The following PUS10 variants were observed in gnomAD, a reference collection of about 807,000 sequenced individuals.
The protein encoded by PUS10 is pseudouridine synthase 10.
Under a neutral mutation model 75.0 loss-of-function variants are expected in PUS10, and 59 were observed. The observed-to-expected ratio is 0.79, with a 90% CI of 0.64 to 0.98. The LOEUF is 0.98. Among genes scored for constraint, PUS10 ranks in the 50% least tolerant of loss-of-function variants. The probability of loss-of-function intolerance (pLI) is 0.00; values close to 1 mark genes in which losing one functional copy is unlikely to be tolerated. For synonymous variants in PUS10, 219 were observed against 211.6 expected (o/e 1.03, Z -0.30); for missense variants, 650 against 614.4 (o/e 1.06, Z -0.61).
At chr2:61,010,098 T>C (rs1011994158) in intron 2 of PUS10, 13 of 152,298 alleles carry the variant, frequency 8.5e-5, no homozygotes, top group African/African-American at 3.1e-4. Context: ...TTGCCTTACA[T>C]AAAATGAAAC....
intron 4 of PUS10, among the ~76,000 whole-genome samples, chr2:60,984,868 C>T (rs767655954): frequency 1.3e-5 from 2 of 151,902 alleles, no homozygotes; most frequent in East Asian, 1.9e-4. Context: ...TGCAGGTATA[C>T]GTTAATATGT....
intron 9 of PUS10, 25 bp downstream of exon 9, chr2:60,962,798 GCTT>G: frequency 6.4e-7 from 1 of 1,572,394 alleles, no homozygotes; most frequent in Non-Finnish European, 8.6e-7. Context: ...ATTTCACGAT[GCTT>G]CTTTGTTTCT....
chr2:60,957,816 G>C (rs1039214308), intron 11 of PUS10, among the ~76,000 whole-genome samples: 1 of 152,262 alleles, frequency 6.6e-6, no homozygotes, highest in Non-Finnish European at 1.5e-5. Flanking sequence ...AAGGGAAATG[G>C]CTGTGTTTTA....
At chr2:60,961,046 G>GAACAA (rs1166814474) in intron 10 of PUS10, among the ~76,000 whole-genome samples, 1 of 152,186 alleles carries the variant, frequency 6.6e-6, no homozygotes, top group Non-Finnish European at 1.5e-5. Flanking sequence ...GAAAGTCAAT[G>GAACAA]AACAATTTCT....
intron 6 of PUS10, chr2:60,966,945 C>T (rs1441908049): frequency 6.6e-6 from 1 of 152,334 alleles, no homozygotes; most frequent in Non-Finnish European, 1.5e-5. Flanking sequence ...GTTGAGTCTT[C>T]CCTGAAAGTC....
In PUS10 at chr2:61,006,454, T is replaced by C. The variant is rs868280537; in HGVS notation, c.468+103A>G. On this transcript the variant is annotated intron_variant, in intron 4 of 17. Transcript: ENST00000316752. ...TCAATCATTCAATAAGTAGACAAAA[T>C]GTAAAAAATATAATAGAGTAAGGAA... is the stretch of plus-strand genomic sequence containing the variant. The C allele has an allele frequency of 5.9e-6, 5 of 845,752 alleles. No homozygotes were observed. The Middle Eastern group carries it at 1.0e-3, about 172-fold the overall frequency. The allele number at this position is 845,752 out of a possible 1,614,324, so 52.4% of individuals were successfully genotyped here. A position where few individuals can be genotyped will look rare whatever the true frequency, so the allele number is the denominator to read the frequency against.
At chr2:60,977,690 T>C (rs13431156) in intron 4 of PUS10, among the ~76,000 whole-genome samples, 104 of 152,322 alleles carry the variant, frequency 6.8e-4, no homozygotes, top group African/African-American at 2.4e-3. Flanking sequence ...TCCAGCCCAC[T>C]TTTCTCATTT....
At chr2:60,945,363 T>C (rs1370491063) in intron 16 of PUS10, among the ~76,000 whole-genome samples, 1 of 152,218 alleles carries the variant, frequency 6.6e-6, no homozygotes, top group Non-Finnish European at 1.5e-5. Flanking sequence ...TTATAGCTCA[T>C]CTCCAAGTGC....
Position 61,018,058 on chromosome 2 carries a change from C to A in PUS10, c.-66G>T. 6.7e-7 allele frequency: 1 copy of A among 1,490,838 alleles called. No individual in the cohort carries two copies. Among genetic ancestry groups the A allele is most frequent in the Non-Finnish European group, 8.9e-7 (1 of 1,117,730 alleles). 92.4% of individuals were successfully genotyped at this position (1,490,838 alleles called of 1,614,324 possible). ...CTGTTTCTGACCCGGCAGCTCTAAT[C>A]AGCAACGTTTTTTTCGGGAGCTCCT... On this transcript the variant is annotated 5_prime_UTR_variant, in exon 1 of 18. Coordinates refer to ENST00000316752, the MANE Select transcript of PUS10 (RefSeq NM_144709.4).
intron 11 of PUS10, among the ~76,000 whole-genome samples, chr2:60,958,236 C>A (rs189840398): frequency 6.6e-6 from 1 of 152,164 alleles, no homozygotes; most frequent in East Asian, 1.9e-4. Context: ...CCCTTCATAA[C>A]CTGCATAAGT....
At chr2:61,013,111 G>A (rs1679735096) in intron 1 of PUS10, among the ~76,000 whole-genome samples, 1 of 151,468 alleles carries the variant, frequency 6.6e-6, no homozygotes, top group Non-Finnish European at 1.5e-5. Context: ...AAATTAGCTG[G>A]GCATGGTGGT....
chr2:60,962,997 C>T, intron 8 of PUS10, 107 bp from the exon 9 acceptor site: 5 of 1,416,140 alleles, frequency 3.5e-6, no homozygotes, highest in Non-Finnish European at 3.7e-6. Context: ...TTCATTATAT[C>T]ATTTCATATA....
intron 16 of PUS10, among the ~76,000 whole-genome samples, chr2:60,946,300 T>C (rs1674939426): frequency 6.6e-6 from 1 of 152,160 alleles, no homozygotes; most frequent in Non-Finnish European, 1.5e-5. Context: ...ATATATAAGG[T>C]ATATATAAAG....
intron 3 of PUS10, among the ~76,000 whole-genome samples, chr2:61,007,273 T>C (rs1679278764): frequency 6.6e-6 from 1 of 152,040 alleles, no homozygotes; most frequent in Non-Finnish European, 1.5e-5. Flanking sequence ...TGAAACAAGT[T>C]GAAATGAACG....
chr2:60,944,886 T>G, intron 17 of PUS10, 123 bp downstream of exon 17: 3 of 690,524 alleles, frequency 4.3e-6, no homozygotes, highest in Non-Finnish European at 7.7e-6. Flanking sequence ...AATGTTACTG[T>G]GAGATTTTCA....
At chr2:60,949,437 T>C (rs1322154455) in intron 15 of PUS10, among the ~76,000 whole-genome samples, 1 of 152,224 alleles carries the variant, frequency 6.6e-6, no homozygotes, top group Non-Finnish European at 1.5e-5. Context: ...ACGAGCCACA[T>C]GTCTTTTTTG....
intron 4 of PUS10, among the ~76,000 whole-genome samples, chr2:60,999,997 T>G (rs752435457): frequency 6.6e-6 from 1 of 152,138 alleles, no homozygotes; most frequent in Non-Finnish European, 1.5e-5. Context: ...CCATTTTATA[T>G]GAGAAACTTA....
chr2:61,008,950 C>A lies in PUS10; in HGVS notation c.192G>T (p.Met64Ile), dbSNP rs756125992. ...TEKDELILEV[M>I]NPPPKKIRLQ... ...GTCGAATTTTCTTGGGAGGTGGGTT[C>A]ATAACTTCCAAAATTAATTCATCTT... Residue 64 changes from methionine to isoleucine, a missense_variant, in exon 3 of 18, where the codon ATG becomes ATT. Physicochemically the swap from Met to Ile is conservative, Grantham distance 10 (BLOSUM62 1). Coordinates refer to ENST00000316752, the MANE Select transcript of PUS10 (RefSeq NM_144709.4). 8 of 1,613,042 alleles carry A rather than the reference C, an allele frequency of 5.0e-6. No individual in the cohort carries two copies. The South Asian group carries it at 8.8e-5, about 18-fold the overall frequency.
At chr2:61,017,784 C>T (rs762898168) in intron 1 of PUS10, 3 of 1,550,300 alleles carry the variant, frequency 1.9e-6, no homozygotes, top group Non-Finnish European at 1.7e-6. Context: ...GCCACCTCCC[C>T]CCAAACCCTG....
Sources: allele counts gnomAD v4.1 joint callset (sites outside exome capture counted in the v4.1 genomes callset), GRCh38; gene constraint gnomAD v4.1.1; transcripts MANE v1.5; gene names NCBI Gene and HGNC (gene_info 2026-07-23, HGNC 2026-07-21).